MORN1: variants seen among roughly 807,000 people sequenced by gnomAD.
The protein encoded by MORN1 is MORN repeat containing 1.
MORN1 carries 67 observed loss-of-function variants against 61.9 expected under a neutral mutation model. That is an observed-to-expected ratio of 1.08 (90% CI 0.89 to 1.33). MORN1 has a LOEUF of 1.33. MORN1 is among the 40% of genes most tolerant of loss of function. MORN1 has a pLI of 0.00. For missense variants in MORN1, 752 were observed against 691.2 expected (o/e 1.09, Z -0.99); for synonymous variants, 301 against 292.0 (o/e 1.03, Z -0.31).
chr1:2,367,652 T>G (rs1433295530), intron 8 of MORN1, among the ~76,000 whole-genome samples: 1 of 152,150 alleles, frequency 6.6e-6, no homozygotes, highest in African/African-American at 2.4e-5. Flanking sequence ...ATGTCATTTT[T>G]TTTTGAGATG....
rs368494396 is a variant in MORN1, at chr1:2,348,395, G to A, written c.1036+9037C>T. ...GAGTCCACCGTGAGGCTGGTGGCGC[G>A]TCTCCGTGGGGAGCTGACTCCTCCT... On this transcript the variant is annotated intron_variant, in intron 10 of 13. Transcript: ENST00000378531. 1.8e-4 allele frequency among the ~76,000 whole-genome samples: 28 copies of A among 152,272 alleles called. No homozygotes were observed. In the East Asian group the frequency reaches 3.1e-3, roughly 17 times the overall value.
rs1207145189 is a variant in MORN1 at position 2,374,525 on chromosome 1, C to T, written c.570G>A (p.Leu190=). The change falls in exon 7 of 14, where the codon CTG becomes CTA. Residue 190 remains leucine (L), a synonymous_variant. Coordinates refer to ENST00000378531, the MANE Select transcript of MORN1 (RefSeq NM_024848.3). ...GQWHSDVFSG[L]GSMAHCSGVT... is the part of the protein sequence containing the mutation. ...CCCCTGAGCAGTGGGCCATGCTGCC[C>T]AGTCCACTGAAGACGTCGCTGTGCC... The T allele has an allele frequency of 3.7e-6, 6 of 1,602,662 alleles. No homozygotes were observed. Among genetic ancestry groups the T allele is most frequent in the African/African-American group, 1.3e-5 (1 of 74,950 alleles).
intron 10 of MORN1, among the ~76,000 whole-genome samples, chr1:2,354,461 G>A (rs753120085): frequency 1.4e-4 from 22 of 152,264 alleles, no homozygotes; most frequent in South Asian, 4.1e-4. Flanking sequence ...CAGCTACTCC[G>A]GAGGCTGAGG....
At chr1:2,361,730 G>C (rs934111647) in intron 8 of MORN1, among the ~76,000 whole-genome samples, 2 of 152,138 alleles carry the variant, frequency 1.3e-5, no homozygotes, top group African/African-American at 4.8e-5. Flanking sequence ...GGCCAACGTG[G>C]GGATGAGGGC....
Position 2,325,882 on chromosome 1 carries a change from C to T in MORN1, c.1251-1739G>A, listed in dbSNP as rs566856835. On this transcript the variant is annotated intron_variant, in intron 12 of 13. Coordinates refer to ENST00000378531, the MANE Select transcript of MORN1 (RefSeq NM_024848.3). ...TCAAATGATCTTCCCACCTCGGCTT[C>T]CTAAAGTGTTGGGATTACTGGCATG... Among the ~76,000 whole-genome samples the T allele has an allele frequency of 2.6e-4, 39 of 152,268 alleles. No homozygotes were observed. In the South Asian group the frequency reaches 6.2e-3, roughly 24 times the overall value.
At chr1:2,350,368 G>A (rs755748850) in intron 10 of MORN1, 1 of 152,224 alleles carries the variant, frequency 6.6e-6, no homozygotes, top group African/African-American at 2.4e-5. Context: ...ATACTGTGAT[G>A]TGCAATTATG....
At chr1:2,353,191 G>C (rs1053747559) in intron 10 of MORN1, among the ~76,000 whole-genome samples, 1 of 152,256 alleles carries the variant, frequency 6.6e-6, no homozygotes, top group African/African-American at 2.4e-5. Context: ...ATGTGAGCAA[G>C]GGACTTCGGT....
intron 10 of MORN1, among the ~76,000 whole-genome samples, chr1:2,344,744 C>T (rs1641473807): frequency 6.6e-6 from 1 of 152,214 alleles, no homozygotes; most frequent in Admixed American, 6.5e-5. Flanking sequence ...CTCACAGGCT[C>T]TACGAGCCAC....
intron 12 of MORN1, among the ~76,000 whole-genome samples, chr1:2,324,466 G>C (rs1447443388): frequency 6.6e-6 from 1 of 152,224 alleles, no homozygotes; most frequent in Non-Finnish European, 1.5e-5. Flanking sequence ...AGGCCTCCCA[G>C]GGTGCAACTG....
intron 8 of MORN1, among the ~76,000 whole-genome samples, chr1:2,366,608 C>T (rs1642000442): frequency 2.6e-5 from 4 of 152,194 alleles, no homozygotes. Flanking sequence ...ACTGCAACCT[C>T]CGCCTCCCAG....
At position 2,325,036 on chromosome 1, in the gene MORN1, C is replaced by T. The variant is rs556966691; in HGVS notation, c.1251-893G>A. Among the ~76,000 whole-genome samples the T allele has an allele frequency of 2.2e-4, 34 of 151,372 alleles. No homozygotes were observed. In the East Asian group the frequency reaches 5.9e-3, roughly 26 times the overall value. On this transcript the variant is annotated intron_variant, in intron 12 of 13. Coordinates refer to ENST00000378531, the MANE Select transcript of MORN1 (RefSeq NM_024848.3). ...GGACGAGGGGCTGGCTCTGTGTGGA[C>T]ACCCACCCTCCTCCCCGGGCAGTGA...
At chr1:2,386,046 C>T in intron 4 of MORN1, 149 bp from the exon 5 acceptor site, 1 of 655,830 alleles carries the variant, frequency 1.5e-6, no homozygotes, top group Non-Finnish European at 2.7e-6. Flanking sequence ...ACATGACAGA[C>T]CCTCCAGACC....
rs1420499985 is a variant in MORN1 at position 2,388,405 on chromosome 1, G to T, written c.149-68C>A. 3 of 1,247,664 alleles carry T rather than the reference G, an allele frequency of 2.4e-6. No individual in the cohort carries two copies. The African/African-American group carries it at 4.4e-5, about 18-fold the overall frequency. 77.3% of individuals were successfully genotyped at this position (1,247,664 alleles called of 1,614,324 possible). ...TTGACTGCGAATGACACTGTGCAGT[G>T]TTGGGCCTGTTTCTCAGAACCAAGA... On this transcript the variant is annotated intron_variant, in intron 2 of 13. Coordinates refer to ENST00000378531, the MANE Select transcript of MORN1 (RefSeq NM_024848.3).
rs568929816 is a variant in MORN1 at position 2,335,829 on chromosome 1, A to AGCCCGGCCCGGCCCGGCCCG, written c.1250+639_1250+640insCGGGCCGGGCCGGGCCGGGC. ...TCAGCGGGGGCCTCCTCGCCTCCATAGCCCAGCCCAGCCCAGCGCGCAGCT... is the reference window on the plus strand; with the variant it reads ...TCAGCGGGGGCCTCCTCGCCTCCATAGCCCGGCCCGGCCCGGCCCGGCCCAGCCCAGCCCAGCGCGCAGCT... On this transcript the variant is annotated intron_variant, in intron 12 of 13. Transcript: ENST00000378531. Among the ~76,000 whole-genome samples the AGCCCGGCCCGGCCCGGCCCG allele has an allele frequency of 8.6e-5, 12 of 139,352 alleles. 1 individual carries two copies. The highest frequency in any genetic ancestry group is 3.7e-4 in the African/African-American group (11 of 29,810). The allele number at this position is 139,352 out of a possible 152,430, so 91.4% of individuals were successfully genotyped here.
chr1:2,362,984 G>A (rs1270568166), intron 8 of MORN1: 3 of 152,236 alleles, frequency 2.0e-5, no homozygotes, highest in African/African-American at 7.2e-5. Flanking sequence ...AGAGGAAAAT[G>A]AGAGCAGATG....
intron 10 of MORN1, among the ~76,000 whole-genome samples, chr1:2,345,147 C>T (rs147309115): frequency 2.0e-5 from 3 of 152,184 alleles, no homozygotes; most frequent in Non-Finnish European, 4.4e-5. Context: ...TCAGCCCCCG[C>T]GAGGGTCCAC....
chr1:2,353,944 T>A (rs1161634682), intron 10 of MORN1, among the ~76,000 whole-genome samples: 2 of 152,206 alleles, frequency 1.3e-5, no homozygotes, highest in African/African-American at 4.8e-5. Flanking sequence ...GCAAGCCCGA[T>A]AAATCAGTCC....
chr1:2,335,829 A>AGCCCAGCCCG lies in MORN1; in HGVS notation c.1250+639_1250+640insCGGGCTGGGC, dbSNP rs1553208731. ...TCAGCGGGGGCCTCCTCGCCTCCAT[A>AGCCCAGCCCG]GCCCAGCCCAGCCCAGCGCGCAGCT... On this transcript the variant is annotated intron_variant, in intron 12 of 13. Coordinates refer to ENST00000378531, the MANE Select transcript of MORN1 (RefSeq NM_024848.3). 2.9e-5 allele frequency among the ~76,000 whole-genome samples: 4 copies of AGCCCAGCCCG among 139,434 alleles called. 1 individual carries two copies. Among genetic ancestry groups the AGCCCAGCCCG allele is most frequent in the African/African-American group, 1.3e-4 (4 of 29,888 alleles). 91.5% of individuals were successfully genotyped at this position (139,434 alleles called of 152,430 possible).
chr1:2,372,456 G>C lies in MORN1; in HGVS notation c.745+25C>G. 2 of 1,545,206 alleles carry C rather than the reference G, an allele frequency of 1.3e-6. No individual in the cohort carries two copies. Among genetic ancestry groups the C allele is most frequent in the Non-Finnish European group, 1.8e-6 (2 of 1,123,532 alleles). ...CCTGTTTCTCTTTTGGAAACGTTAG[G>C]TCATCTCCCCCTGGAGATGCTTACT... On this transcript the variant is annotated intron_variant, in intron 8 of 13. Coordinates refer to ENST00000378531, the MANE Select transcript of MORN1 (RefSeq NM_024848.3). This position sits in a 1 kb window ranked among gnomAD's most constrained non-coding sequence, Gnocchi z 5.4.
Sources: allele counts gnomAD v4.1 joint callset (sites outside exome capture counted in the v4.1 genomes callset), GRCh38; gene constraint gnomAD v4.1.1; non-coding constraint Gnocchi (gnomAD v3.1); transcripts MANE v1.5; gene names NCBI Gene and HGNC (gene_info 2026-07-23, HGNC 2026-07-21).